The following MAF variants were observed in gnomAD, a reference collection of about 807,000 sequenced individuals.
The protein encoded by MAF is transcription factor Maf.
In MAF, 10 loss-of-function variants were observed where a neutral mutation model predicts 22.0. The observed-to-expected ratio is 0.45, with a 90% CI of 0.28 to 0.77. MAF has a LOEUF of 0.77. MAF is among the 30% of genes least tolerant of loss of function. The pLI, the probability that MAF is intolerant of heterozygous loss-of-function variation, is 0.12. For synonymous variants in MAF, 337 were observed against 255.8 expected (o/e 1.32, Z -3.03); for missense variants, 544 against 548.4 (o/e 0.99, Z 0.08).
At chr16:79,569,554 T>C in the MAF span, among the ~76,000 whole-genome samples, 10 of 152,226 alleles carry the variant, frequency 6.6e-5, 1 homozygote, top group African/African-American at 2.4e-4. Flanking sequence ...TCTCAGGCTC[T>C]ACACTCAGAC....
the MAF span, among the ~76,000 whole-genome samples, chr16:79,418,628 GT>G: frequency 2.0e-5 from 3 of 152,180 alleles, no homozygotes; most frequent in Non-Finnish European, 4.4e-5. Flanking sequence ...AGTTCTGGAA[GT>G]TTTTCTTATG....
chr16:79,311,946 G>A, the MAF span, among the ~76,000 whole-genome samples: 1 of 152,164 alleles, frequency 6.6e-6, no homozygotes, highest in Admixed American at 6.5e-5. Context: ...CAGGATGGCG[G>A]AGAGGGAAGA....
the MAF span, among the ~76,000 whole-genome samples, chr16:79,511,617 C>G: frequency 1.3e-5 from 2 of 152,194 alleles, no homozygotes; most frequent in Non-Finnish European, 2.9e-5. Flanking sequence ...TTCCCAGCAG[C>G]CTGATCCTGG....
At chr16:79,360,839 G>A in the MAF span, among the ~76,000 whole-genome samples, 1 of 152,294 alleles carries the variant, frequency 6.6e-6, no homozygotes, top group Middle Eastern at 3.4e-3. Context: ...TGACTCAGGA[G>A]CATCTACCTA....
chr16:79,535,306 A>G, the MAF span, among the ~76,000 whole-genome samples: 1 of 151,778 alleles, frequency 6.6e-6, no homozygotes, highest in African/African-American at 2.4e-5. Context: ...TATCATCTTA[A>G]CATGTAGCTT....
At chr16:79,371,012 G>A in the MAF span, among the ~76,000 whole-genome samples, 3 of 152,232 alleles carry the variant, frequency 2.0e-5, no homozygotes, top group Non-Finnish European at 2.9e-5. Context: ...AGTGGATAAA[G>A]AATTCAGGCA....
At chr16:79,211,383 T>G in the MAF span, among the ~76,000 whole-genome samples, 1 of 152,182 alleles carries the variant, frequency 6.6e-6, no homozygotes, top group Non-Finnish European at 1.5e-5. Context: ...GTGTCAAAAG[T>G]TACACCAGCT....
At chr16:79,276,647 C>T in the MAF span, among the ~76,000 whole-genome samples, 2 of 152,090 alleles carry the variant, frequency 1.3e-5, no homozygotes, top group South Asian at 2.1e-4. Flanking sequence ...GCACTGGGAT[C>T]GGAGTGCAGG....
the MAF span, among the ~76,000 whole-genome samples, chr16:79,308,808 G>A: frequency 6.6e-6 from 1 of 152,176 alleles, no homozygotes; most frequent in Non-Finnish European, 1.5e-5. Context: ...ACAAAGCCAT[G>A]TAATTCCTGA....
chr16:79,374,613 A>G, the MAF span, among the ~76,000 whole-genome samples: 1 of 152,166 alleles, frequency 6.6e-6, no homozygotes, highest in Non-Finnish European at 1.5e-5. Flanking sequence ...GACTGCCACA[A>G]TGAAGGCACT....
chr16:79,514,011 G>C, the MAF span, among the ~76,000 whole-genome samples: 1 of 152,036 alleles, frequency 6.6e-6, no homozygotes, highest in South Asian at 2.1e-4. Flanking sequence ...CCACAAAAGA[G>C]GAACATTTAA....
At chr16:79,357,252 TCACAACAACAACAAC>T in the MAF span, among the ~76,000 whole-genome samples, 2 of 111,346 alleles carry the variant, frequency 1.8e-5, no homozygotes, top group African/African-American at 7.4e-5. Context: ...CAAGACTCTG[TCACAACAACAACAAC>T]AACAACAACA....
At chr16:79,446,815 G>T in the MAF span, among the ~76,000 whole-genome samples, 1 of 152,030 alleles carries the variant, frequency 6.6e-6, no homozygotes, top group African/African-American at 2.4e-5. Context: ...TTGCGAGTCA[G>T]GAGGATCACT....
the MAF span, among the ~76,000 whole-genome samples, chr16:79,565,273 AG>A: frequency 6.6e-6 from 1 of 152,192 alleles, no homozygotes; most frequent in Admixed American, 6.5e-5. Flanking sequence ...AAACACAACC[AG>A]GGGCATTCAT....
the MAF span, among the ~76,000 whole-genome samples, chr16:79,371,560 C>A: frequency 6.6e-6 from 1 of 152,222 alleles, no homozygotes; most frequent in Non-Finnish European, 1.5e-5. Context: ...ACACTGGACT[C>A]CTTCCTGCTC....
the MAF span, among the ~76,000 whole-genome samples, chr16:79,360,771 G>A: frequency 6.6e-6 from 1 of 152,278 alleles, no homozygotes; most frequent in Non-Finnish European, 1.5e-5. Flanking sequence ...CTGCAAGAAG[G>A]AGTGGAACAA....
chr16:79,575,100 G>C, the MAF span, among the ~76,000 whole-genome samples: 179 of 151,416 alleles, frequency 1.2e-3, no homozygotes, highest in African/African-American at 4.0e-3. Context: ...TCTGAGGCAC[G>C]GCATCAATGT....
chr16:79,288,686 T>C, the MAF span, among the ~76,000 whole-genome samples: 2 of 152,296 alleles, frequency 1.3e-5, no homozygotes, highest in African/African-American at 2.4e-5. Context: ...TAGGTAAACA[T>C]GAGGAAAGGA....
the MAF span, among the ~76,000 whole-genome samples, chr16:79,245,831 G>A: frequency 6.6e-6 from 1 of 152,004 alleles, no homozygotes; most frequent in Non-Finnish European, 1.5e-5. Flanking sequence ...TGATAGACTG[G>A]ATAAAGAAAA....
Sources: allele counts gnomAD v4.1 joint callset (sites outside exome capture counted in the v4.1 genomes callset), GRCh38; gene constraint gnomAD v4.1.1; transcripts MANE v1.5; gene names NCBI Gene and HGNC (gene_info 2026-07-23, HGNC 2026-07-21).